MAGI1: variants seen among roughly 807,000 people sequenced by gnomAD.
MAGI1 encodes membrane associated guanylate kinase, WW and PDZ domain containing 1, also known as membrane-associated guanylate kinase, WW and PDZ domain-containing protein 1.
In MAGI1, 58 loss-of-function variants were observed where a neutral mutation model predicts 139.9. That is an observed-to-expected ratio of 0.41 (90% CI 0.34 to 0.52). The LOEUF (loss-of-function observed/expected upper bound fraction) is 0.52, where lower values mean the gene tolerates loss of function less well. Ranked by LOEUF, MAGI1 falls within the 20% of genes least tolerant of loss-of-function variation. The pLI, the probability that MAGI1 is intolerant of heterozygous loss-of-function variation, is 0.12. For synonymous variants in MAGI1, 812 were observed against 737.9 expected (o/e 1.10, Z -1.63); for missense variants, 1,874 against 1,901.6 (o/e 0.99, Z 0.27).
At chr3:65,872,599 C>G (rs1167725866) in intron 1 of MAGI1, among the ~76,000 whole-genome samples, 1 of 152,130 alleles carries the variant, frequency 6.6e-6, no homozygotes, top group Non-Finnish European at 1.5e-5. Flanking sequence ...GTGTTTATGT[C>G]TACCAAAACA....
chr3:65,505,940 T>C (rs1284820264), intron 2 of MAGI1, among the ~76,000 whole-genome samples: 1 of 152,164 alleles, frequency 6.6e-6, no homozygotes, highest in Non-Finnish European at 1.5e-5. Flanking sequence ...TTTCCATAAA[T>C]AATAATAAAT....
intron 1 of MAGI1, among the ~76,000 whole-genome samples, chr3:65,979,944 C>A (rs1034272578): frequency 6.6e-6 from 1 of 152,268 alleles, no homozygotes; most frequent in Admixed American, 6.5e-5. Flanking sequence ...TAAAGAGGAA[C>A]TGGCCTCTAG....
intron 1 of MAGI1, among the ~76,000 whole-genome samples, chr3:65,640,787 C>A (rs1298036463): frequency 6.6e-6 from 1 of 152,130 alleles, no homozygotes; most frequent in Non-Finnish European, 1.5e-5. Flanking sequence ...AAGGAAGATA[C>A]CAAATGCACC....
At chr3:65,815,215 T>G (rs1267538660) in intron 1 of MAGI1, among the ~76,000 whole-genome samples, 1 of 152,224 alleles carries the variant, frequency 6.6e-6, no homozygotes, top group Non-Finnish European at 1.5e-5. Flanking sequence ...CTGACAATTC[T>G]GGGGCCCATG....
Position 65,356,844 on chromosome 3 carries a change from T to C in MAGI1, c.3923A>G (p.Gln1308Arg). The C allele has an allele frequency of 6.2e-7, 1 of 1,613,572 alleles. No homozygotes were observed. Among genetic ancestry groups the C allele is most frequent in the Non-Finnish European group, 8.5e-7 (1 of 1,179,672 alleles). ...DRAPEGRRDA[Q>R]AERAAAANGP... ...GTTGGCGGCTGCCGCGCGCTCGGCC[T>C]GCGCGTCCCTCCGTCCCTCCGGCGC... The change falls in exon 23 of 23, where the codon CAG (glutamine) becomes CGG (arginine). Residue 1308 changes from glutamine to arginine, a missense_variant. Physicochemically the swap from Gln to Arg is conservative, Grantham distance 43. This residue lies in a region of MAGI1 where 653 missense variants were observed against 644.5 expected (regional missense o/e 1.01). Coordinates refer to ENST00000402939, the MANE Select transcript of MAGI1 (RefSeq NM_001033057.2).
intron 1 of MAGI1, among the ~76,000 whole-genome samples, chr3:65,723,175 G>T (rs1180121293): frequency 6.6e-6 from 1 of 152,152 alleles, no homozygotes; most frequent in Non-Finnish European, 1.5e-5. Context: ...GATGAACTAA[G>T]AAGAGACACA....
rs1412898945 is a variant in MAGI1 at position 65,361,299 on chromosome 3, G to A, written c.3534C>T (p.Thr1178=). 5 of 1,613,986 alleles carry A rather than the reference G, an allele frequency of 3.1e-6. No homozygotes were observed. Among genetic ancestry groups the A allele is most frequent in the Non-Finnish European group, 4.2e-6 (5 of 1,179,970 alleles). ...DEILEINGET[T]KNMKHSRAIE... ...TAGCTCGAGAATGCTTCATGTTTTT[G>A]GTGGTCTCACCATTGATCTCTAAAA... Residue 1178 remains threonine (T), a synonymous_variant, in exon 22 of 23, where the codon ACC becomes ACT. Coordinates refer to ENST00000402939, the MANE Select transcript of MAGI1 (RefSeq NM_001033057.2).
chr3:65,675,615 C>T (rs1337944820), intron 1 of MAGI1, among the ~76,000 whole-genome samples: 1 of 152,138 alleles, frequency 6.6e-6, no homozygotes, highest in African/African-American at 2.4e-5. Context: ...CCAAGTAGGT[C>T]TTAATTCAAA....
At chr3:65,868,982 T>G (rs1251325614) in intron 1 of MAGI1, among the ~76,000 whole-genome samples, 1 of 152,064 alleles carries the variant, frequency 6.6e-6, no homozygotes, top group East Asian at 1.9e-4. Flanking sequence ...TACCTCATAA[T>G]TACTGCCGGG....
At chr3:65,478,543 C>G (rs554703971) in intron 4 of MAGI1, 49 bp downstream of exon 4, 8 of 1,557,944 alleles carry the variant, frequency 5.1e-6, no homozygotes, top group East Asian at 2.2e-5. Flanking sequence ...AAAGCCTCCT[C>G]GTCATCCCTT....
intron 1 of MAGI1, among the ~76,000 whole-genome samples, chr3:65,631,741 C>T (rs1559737995): frequency 6.6e-6 from 1 of 152,052 alleles, no homozygotes; most frequent in Non-Finnish European, 1.5e-5. Flanking sequence ...TGGCCAGATG[C>T]GGTGGCTCAT....
chr3:65,951,447 A>G (rs1270893327), intron 1 of MAGI1, among the ~76,000 whole-genome samples: 1 of 152,232 alleles, frequency 6.6e-6, no homozygotes, highest in African/African-American at 2.4e-5. Context: ...TTCCAATGAA[A>G]CTGTTGCATC....
chr3:65,956,987 G>C lies in MAGI1; in HGVS notation c.313+81009C>G, dbSNP rs993002444. On this transcript the variant is annotated intron_variant, in intron 1 of 22. Transcript: ENST00000402939. ...ACTGCACTCCAGCCTGGGTGACAGA[G>C]TGAGAATCCTTCTCAAAAAAAATTA... is the stretch of plus-strand genomic sequence containing the variant. Among the ~76,000 whole-genome samples, 115 of 152,050 alleles carry C rather than the reference G, an allele frequency of 7.6e-4. 1 individual carries two copies. Among genetic ancestry groups the C allele is most frequent in the African/African-American group, 2.6e-3 (109 of 41,400 alleles).
In MAGI1 at chr3:65,357,070, C is replaced by G; in HGVS notation, c.3697G>C (p.Gly1233Arg). The change falls in exon 23 of 23, where the codon GGG becomes CGG. Residue 1233 changes from glycine (G) to arginine (R), a missense_variant. Physicochemically the swap from Gly to Arg is moderately radical, Grantham distance 125. Coordinates refer to ENST00000402939, the MANE Select transcript of MAGI1 (RefSeq NM_001033057.2). Reference protein sequence around the residue: ...GPQGVPEVRAGPDRRQHPSLE... With the variant: ...GPQGVPEVRARPDRRQHPSLE... ...GACGGATGCTGCCGGCGGTCGGGCC[C>G]GGCCCTCACTTCCGGAACACCTTGT... 6.2e-7 allele frequency: 1 copy of G among 1,614,156 alleles called. No individual in the cohort carries two copies. The highest frequency in any genetic ancestry group is 1.7e-5 in the Admixed American group (1 of 60,028).
At chr3:65,989,887 A>G (rs115728224) in intron 1 of MAGI1, among the ~76,000 whole-genome samples, 4,052 of 152,288 alleles carry the variant, frequency 0.027, 83 homozygotes, top group Admixed American at 0.066. Flanking sequence ...ATTTTACTGA[A>G]TATTTGGGGA....
chr3:65,990,575 C>T (rs1012454971), intron 1 of MAGI1, among the ~76,000 whole-genome samples: 3 of 152,126 alleles, frequency 2.0e-5, no homozygotes, highest in Admixed American at 1.3e-4. Flanking sequence ...AGCCGGTTTG[C>T]CTCTTAGCAC....
intron 1 of MAGI1, among the ~76,000 whole-genome samples, chr3:65,661,908 C>G (rs575258228): frequency 1.3e-5 from 2 of 151,546 alleles, no homozygotes; most frequent in Non-Finnish European, 2.9e-5. Flanking sequence ...CCACCATGCC[C>G]GGCTAAATTT....
In MAGI1 at chr3:65,371,810, T is replaced by C. The variant is rs532358776; in HGVS notation, c.3196+3935A>G. Reference sequence around the variant, plus strand: ...AGAAACCATTTTCTTTGTTCATCCATAAGAAGCAACTCCTCATCTGTTCAA... The same window carrying C: ...AGAAACCATTTTCTTTGTTCATCCACAAGAAGCAACTCCTCATCTGTTCAA... On this transcript the variant is annotated intron_variant, in intron 18 of 22. Transcript: ENST00000402939. 6.9e-5 allele frequency: 20 copies of C among 288,290 alleles called. No individual in the cohort carries two copies. The Admixed American group carries it at 8.4e-4, about 12-fold the overall frequency. 17.9% of individuals were successfully genotyped at this position (288,290 alleles called of 1,614,324 possible).
At chr3:65,770,995 A>G (rs1180172242) in intron 1 of MAGI1, among the ~76,000 whole-genome samples, 1 of 151,834 alleles carries the variant, frequency 6.6e-6, no homozygotes, top group African/African-American at 2.4e-5. Flanking sequence ...CCAGCAAATT[A>G]TTTTATTTTT....
Sources: allele counts gnomAD v4.1 joint callset (sites outside exome capture counted in the v4.1 genomes callset), GRCh38; gene constraint gnomAD v4.1.1; regional missense constraint gnomAD v4.1.1; transcripts MANE v1.5; gene names NCBI Gene and HGNC (gene_info 2026-07-23, HGNC 2026-07-21).